The following MYT1 variants were observed in gnomAD, a reference collection of about 807,000 sequenced individuals.
The protein encoded by MYT1 is myelin transcription factor 1.
MYT1 carries 23 observed loss-of-function variants against 123.0 expected under a neutral mutation model. The observed-to-expected ratio is 0.19, with a 90% CI of 0.13 to 0.26. MYT1 has a LOEUF of 0.26. Among genes scored for constraint, MYT1 ranks in the 10% least tolerant of loss-of-function variants. The pLI is 1.00. For missense variants in MYT1, 1,125 were observed against 1,472.5 expected (o/e 0.76, Z 3.86); for synonymous variants, 518 against 575.3 (o/e 0.90, Z 1.43).
chr20:64,219,640 T>G, intron 12 of MYT1, 73 bp from the exon 13 acceptor site: 2 of 1,341,776 alleles, frequency 1.5e-6, no homozygotes, highest in Non-Finnish European at 2.1e-6. Context: ...TCTGTACGTT[T>G]GATTCAAATG....
Position 64,185,054 on chromosome 20 carries a change from T to G in MYT1, c.-98-5009T>G, listed in dbSNP as rs1982759877. Among the ~76,000 whole-genome samples the G allele has an allele frequency of 6.6e-6, 1 of 151,832 alleles. No individual in the cohort carries two copies. The highest frequency in any genetic ancestry group is 1.9e-4 in the East Asian group (1 of 5,150). ...GGATGTGGGTGGAGGCCAACTGTGG[T>G]GGGGAGTGAAGCGTAGTTATGAAGC... On this transcript the variant is annotated intron_variant, in intron 1 of 22. Transcript: ENST00000328439. The surrounding 1 kb of genome is among the most constrained non-coding windows in gnomAD (Gnocchi z 4.5).
intron 2 of MYT1, 117 bp from the exon 3 acceptor site, chr20:64,198,744 CA>C (rs775905980): frequency 1.8e-6 from 2 of 1,111,570 alleles, no homozygotes; most frequent in Non-Finnish European, 2.7e-6. Context: ...ATTCTGTGCC[CA>C]AAATCACCTT....
Position 64,212,465 on chromosome 20 carries a change from G to A in MYT1, c.1517+327G>A, listed in dbSNP as rs1983709675. On this transcript the variant is annotated intron_variant, in intron 9 of 22. Transcript: ENST00000328439. This position sits in a 1 kb window ranked among gnomAD's most constrained non-coding sequence, Gnocchi z 6.8. Reference sequence around the variant, plus strand: ...CCTTTGTGAGGGCAGAGTGGCAACTGGAGGTGCAGTCACCCAGTGGTGTTG... The same window carrying A: ...CCTTTGTGAGGGCAGAGTGGCAACTAGAGGTGCAGTCACCCAGTGGTGTTG... Among the ~76,000 whole-genome samples the A allele has an allele frequency of 6.6e-6, 1 of 152,218 alleles. No individual in the cohort carries two copies. Among genetic ancestry groups the A allele is most frequent in the Non-Finnish European group, 1.5e-5 (1 of 68,024 alleles).
chr20:64,182,240 T>C (rs1459633401), intron 1 of MYT1, among the ~76,000 whole-genome samples: 2 of 152,256 alleles, frequency 1.3e-5, no homozygotes, highest in African/African-American at 2.4e-5. Context: ...AGTTTCACTC[T>C]GCATGAGGTA....
chr20:64,210,369 T>C (rs1410377641), intron 7 of MYT1, among the ~76,000 whole-genome samples: 2 of 152,234 alleles, frequency 1.3e-5, no homozygotes, highest in African/African-American at 4.8e-5. Flanking sequence ...GCTGCGAGAA[T>C]TCTGGACAGA....
In MYT1 at chr20:64,189,886, C is replaced by T. The variant is rs6011338; in HGVS notation, c.-98-177C>T. On this transcript the variant is annotated intron_variant, in intron 1 of 22. Coordinates refer to ENST00000328439, the MANE Select transcript of MYT1 (RefSeq NM_004535.3). This position sits in a 1 kb window ranked among gnomAD's most constrained non-coding sequence, Gnocchi z 5.5. ...GTCAGAGAGAAATTGTCTCTTGTTC[C>T]TGAAGCAGCCATGGAGCCATGACCT... Among the ~76,000 whole-genome samples the T allele has an allele frequency of 1.3e-5, 2 of 152,074 alleles. No homozygotes were observed. The highest frequency in any genetic ancestry group is 4.2e-4 in the South Asian group (2 of 4,800).
chr20:64,210,358 T>A (rs1983629585), intron 7 of MYT1, among the ~76,000 whole-genome samples: 1 of 152,208 alleles, frequency 6.6e-6, no homozygotes, highest in African/African-American at 2.4e-5. Flanking sequence ...GGGGCACAGA[T>A]GCTGCGAGAA....
At chr20:64,176,846 G>C (rs1709616080) in intron 1 of MYT1, among the ~76,000 whole-genome samples, 1 of 152,216 alleles carries the variant, frequency 6.6e-6, no homozygotes. Flanking sequence ...CTCCTCCCCT[G>C]TTGGCAGCCG....
chr20:64,199,965 C>A lies in MYT1; in HGVS notation c.86+43C>A, dbSNP rs749300392. 7 of 1,606,286 alleles carry A rather than the reference C, an allele frequency of 4.4e-6. No homozygotes were observed. The East Asian group carries it at 1.6e-4, about 36-fold the overall frequency. On this transcript the variant is annotated intron_variant, in intron 4 of 22. Transcript: ENST00000328439. ...TTAGCACCAAGCATCGTCTATGTGCCTGTGACCCTGGAGATATCCTAAATG... is the reference window on the plus strand; with the variant it reads ...TTAGCACCAAGCATCGTCTATGTGCATGTGACCCTGGAGATATCCTAAATG...
rs1568714637 is a variant in MYT1 at position 64,217,050 on chromosome 20, C to T, written c.1632-17C>T. On this transcript the variant is annotated splice_polypyrimidine_tract_variant and intron_variant, in intron 10 of 22. Transcript: ENST00000328439. ...GGTCCCATCTCACTGGCTGTGCATC[C>T]CTGTACTGCACCCCAGGCCCATGTG... 1.9e-6 allele frequency: 3 copies of T among 1,609,494 alleles called. No individual in the cohort carries two copies. The highest frequency in any genetic ancestry group is 2.5e-6 in the Non-Finnish European group (3 of 1,177,518).
rs1041948920 is a variant in MYT1, at chr20:64,196,939, C to T, written c.1-1923C>T. 2.6e-5 allele frequency among the ~76,000 whole-genome samples: 4 copies of T among 152,158 alleles called. No individual in the cohort carries two copies. The highest frequency in any genetic ancestry group is 7.2e-5 in the African/African-American group (3 of 41,412). ...TTGCATTTCAGCTGAGTGCAGGCAC[C>T]GCACAAGTCCCATTGTACGTCCTGC... is the stretch of plus-strand genomic sequence containing the variant. On this transcript the variant is annotated intron_variant, in intron 2 of 22. Coordinates refer to ENST00000328439, the MANE Select transcript of MYT1 (RefSeq NM_004535.3). The surrounding 1 kb of genome is among the most constrained non-coding windows in gnomAD (Gnocchi z 4.3).
intron 2 of MYT1, among the ~76,000 whole-genome samples, chr20:64,198,008 G>A (rs555623334): frequency 7.4e-4 from 112 of 152,294 alleles, no homozygotes; most frequent in African/African-American, 2.6e-3. Flanking sequence ...CTGCTGGGCC[G>A]GGCGCGGTGG....
rs1457731314 is a variant in MYT1, at chr20:64,186,425, C to A, written c.-98-3638C>A. On this transcript the variant is annotated intron_variant, in intron 1 of 22. Coordinates refer to ENST00000328439, the MANE Select transcript of MYT1 (RefSeq NM_004535.3). This position sits in a 1 kb window ranked among gnomAD's most constrained non-coding sequence, Gnocchi z 4.3. The stretch of plus-strand genomic sequence containing the variant: ...CTAGAAACTCAATAACCCAAGAGAA[C>A]AGGCTCGTCTGGATGAAAACCTCCA... Among the ~76,000 whole-genome samples, 1 of 152,104 alleles carries A rather than the reference C, an allele frequency of 6.6e-6. No individual in the cohort carries two copies. The highest frequency in any genetic ancestry group is 6.5e-5 in the Admixed American group (1 of 15,272).
rs775708420 is a variant in MYT1 at position 64,205,746 on chromosome 20, G to A, written c.343G>A (p.Ala115Thr). ...TGAATCGGAAGGAACTCTGGAGGGG[G>A]CCGAGGCTGAGACGTCAGGACAGGA... ...SDESEGTLEG[A>T]EAETSGQDEI... The change falls in exon 6 of 23, where the codon GCC becomes ACC. Residue 115 changes from alanine to threonine, a missense_variant. Transcript: ENST00000328439. The A allele has an allele frequency of 6.2e-7, 1 of 1,614,190 alleles. No homozygotes were observed. Among genetic ancestry groups the A allele is most frequent in the Admixed American group, 1.7e-5 (1 of 60,032 alleles).
chr20:64,208,069 AGAGGAAGAGGAG>A lies in MYT1; in HGVS notation c.885_896del (p.Glu303_Glu306del), dbSNP rs1317275451. The A allele has an allele frequency of 3.1e-6, 5 of 1,597,318 alleles. No individual in the cohort carries two copies. The highest frequency in any genetic ancestry group is 4.3e-6 in the Non-Finnish European group (5 of 1,171,290). ...AGGAAGAGGAAGAGGAGGAGGAGGA[AGAGGAAGAGGAG>A]GAGGAAGAGGAAGAGGAAGAGGAGG... On this transcript the variant is annotated inframe_deletion, in exon 7 of 23. Transcript: ENST00000328439. The surrounding 1 kb of genome is among the most constrained non-coding windows in gnomAD (Gnocchi z 5.4).
chr20:64,219,587 C>T, intron 12 of MYT1, 126 bp from the exon 13 acceptor site: 1 of 829,898 alleles, frequency 1.2e-6, no homozygotes, highest in Non-Finnish European at 1.9e-6. Flanking sequence ...GCCTGTCTGT[C>T]CCCGTTGTCC....
chr20:64,177,673 T>TCTCCAGGGGTGGGGACATGAGGGC (rs1569305707), intron 1 of MYT1, among the ~76,000 whole-genome samples: 1 of 137,302 alleles, frequency 7.3e-6, no homozygotes, highest in African/African-American at 2.7e-5. Context: ...GACAAGAGGG[T>TCTCCAGGGGTGGGGACATGAGGGC]ACCCCTCTCC....
In MYT1 at chr20:64,213,365, C is replaced by G. The variant is rs1341212412; in HGVS notation, c.1518-169C>G. 6.6e-6 allele frequency among the ~76,000 whole-genome samples: 1 copy of G among 152,154 alleles called. No homozygotes were observed. The highest frequency in any genetic ancestry group is 1.5e-5 in the Non-Finnish European group (1 of 68,026). On this transcript the variant is annotated intron_variant, in intron 9 of 22. Transcript: ENST00000328439. The surrounding 1 kb of genome is among the most constrained non-coding windows in gnomAD (Gnocchi z 5.6). ...CAAGAACAGAGCCAGAGAGAAAACC[C>G]CTGTCCTGCAGAATGACAGGGTTAT...
chr20:64,205,622 G>C lies in MYT1; in HGVS notation c.219G>C (p.Lys73Asn). 6.2e-7 allele frequency: 1 copy of C among 1,614,188 alleles called. No individual in the cohort carries two copies. The highest frequency in any genetic ancestry group is 8.5e-7 in the Non-Finnish European group (1 of 1,180,036). ...CTGAGGCTGAGCACCTGGTGTCCAA[G>C]AGGAAGTCACACCCCCTGAAGCTGG... The part of the protein sequence containing the change: ...EGAEAEHLVS[K>N]RKSHPLKLAL... Residue 73 changes from lysine to asparagine, a missense_variant, in exon 6 of 23, where the codon AAG becomes AAC. Around this residue, in one of 4 missense-constraint regions of MYT1, gnomAD observed 406 missense variants for 432.2 expected, o/e 0.94. Transcript: ENST00000328439.
Sources: allele counts gnomAD v4.1 joint callset (sites outside exome capture counted in the v4.1 genomes callset), GRCh38; gene constraint gnomAD v4.1.1; regional missense constraint gnomAD v4.1.1; non-coding constraint Gnocchi (gnomAD v3.1); transcripts MANE v1.5; gene names NCBI Gene and HGNC (gene_info 2026-07-23, HGNC 2026-07-21).